The following CCDC171 variants were observed in gnomAD, a reference collection of about 807,000 sequenced individuals.
The protein encoded by CCDC171 is coiled-coil domain-containing protein 171.
In CCDC171, 177 loss-of-function variants were observed where a neutral mutation model predicts 168.2. The observed-to-expected ratio is 1.05, with a 90% CI of 0.93 to 1.19. The LOEUF is 1.19. CCDC171 is among the 50% of genes most tolerant of loss of function. CCDC171 has a pLI of 0.00. For synonymous variants in CCDC171, 687 were observed against 540.8 expected, an observed-to-expected ratio of 1.27 and a Z score of -3.75; for missense variants, 1,991 against 1,539.0, an observed-to-expected ratio of 1.29 and a Z score of -4.91.
intron 6 of CCDC171, among the ~76,000 whole-genome samples, chr9:15,613,842 A>G (rs936986790): frequency 1.3e-5 from 2 of 152,150 alleles, no homozygotes; most frequent in Non-Finnish European, 2.9e-5. Context: ...CATTTTTCTA[A>G]TGACTAATGA....
chr9:15,606,510 T>A (rs530987710), intron 6 of CCDC171, among the ~76,000 whole-genome samples: 102 of 152,198 alleles, frequency 6.7e-4, no homozygotes, highest in Non-Finnish European at 1.2e-3. Flanking sequence ...GAGGAACTTG[T>A]TCTGGGTCTT....
the CCDC171 span, among the ~76,000 whole-genome samples, chr9:16,080,885 G>T: frequency 2.6e-5 from 4 of 152,114 alleles, no homozygotes; most frequent in Admixed American, 2.6e-4. Context: ...AGTAGTTACT[G>T]CTTCTGTTTT....
At chr9:16,032,113 C>A (rs911486752) in intron 6 of CCDC171, among the ~76,000 whole-genome samples, 1 of 152,250 alleles carries the variant, frequency 6.6e-6, no homozygotes, top group South Asian at 2.1e-4. Flanking sequence ...TTCAACCCAC[C>A]CAAGTCCAAA....
At chr9:15,843,974 G>A (rs2060795246) in intron 21 of CCDC171, among the ~76,000 whole-genome samples, 1 of 152,110 alleles carries the variant, frequency 6.6e-6, no homozygotes, top group African/African-American at 2.4e-5. Context: ...ACAGTCAGGA[G>A]AGTTCTCCAA....
intron 14 of CCDC171, 135 bp from the exon 15 acceptor site, chr9:15,727,734 T>G: frequency 1.7e-6 from 1 of 592,054 alleles, no homozygotes. Flanking sequence ...AAAAAGTCAT[T>G]AAAATATTCT....
intron 1 of CCDC171, among the ~76,000 whole-genome samples, chr9:16,047,514 TA>T (rs1275740533): frequency 1.3e-5 from 2 of 152,252 alleles, no homozygotes; most frequent in Non-Finnish European, 2.9e-5. Context: ...CCCCTGTCTC[TA>T]AAGCCCTCCT....
At chr9:16,066,002 C>A (rs1833986685), downstream of CCDC171, among the ~76,000 whole-genome samples, 1 of 152,134 alleles carries the variant, frequency 6.6e-6, no homozygotes, top group South Asian at 2.1e-4. Context: ...GATAATAAGT[C>A]TAGAAACTTG....
intron 10 of CCDC171, among the ~76,000 whole-genome samples, chr9:15,681,638 A>T (rs143853555): frequency 6.6e-6 from 1 of 151,758 alleles, no homozygotes; most frequent in African/African-American, 2.4e-5. Flanking sequence ...TTTCTTGTAC[A>T]TATTCCTTTA....
At chr9:15,849,302 C>G (rs1037739377) in intron 23 of CCDC171, among the ~76,000 whole-genome samples, 1 of 150,890 alleles carries the variant, frequency 6.6e-6, no homozygotes, top group Admixed American at 6.6e-5. Context: ...CACTCTTAAA[C>G]CAATGGTCCT....
chr9:15,686,678 A>G (rs1381624810), intron 10 of CCDC171, among the ~76,000 whole-genome samples: 4 of 152,192 alleles, frequency 2.6e-5, no homozygotes, highest in Non-Finnish European at 1.5e-5. Context: ...GGGACATCTC[A>G]TGTTGTTAAA....
At chr9:16,003,290 G>A (rs1302614470) in intron 3 of CCDC171, among the ~76,000 whole-genome samples, 1 of 152,100 alleles carries the variant, frequency 6.6e-6, no homozygotes, top group African/African-American at 2.4e-5. Context: ...TGATTTCTAA[G>A]GTCCCTTCCA....
rs1350494548 is a variant in CCDC171, at chr9:15,564,099, A to G, written c.11A>G (p.Asn4Ser). 6.2e-7 allele frequency: 1 copy of G among 1,607,318 alleles called. No individual in the cohort carries two copies. Residue 4 changes from asparagine to serine, a missense_variant, in exon 2 of 26, where the codon AAT becomes AGT. By Grantham distance (46) the Asn-to-Ser change is conservative. Transcript: ENST00000380701. The stretch of plus-strand genomic sequence containing the variant: ...GAGTTGGAAAACATCATGAATTTGA[A>G]TACTTCAAGTAATACTGGTGATACC... MNL[N>S]TSSNTGDTQR...
chr9:15,761,804 A>G (rs541847713), intron 18 of CCDC171, among the ~76,000 whole-genome samples: 64 of 152,238 alleles, frequency 4.2e-4, no homozygotes, highest in African/African-American at 1.5e-3. Context: ...AAATTTTGTG[A>G]TTTCTTATAT....
At chr9:15,636,186 A>G (rs1216400142) in intron 7 of CCDC171, among the ~76,000 whole-genome samples, 1 of 152,124 alleles carries the variant, frequency 6.6e-6, no homozygotes, top group Non-Finnish European at 1.5e-5. Context: ...GATGCTAACG[A>G]TGGAGGAAAC....
At chr9:15,785,438 CTATT>C (rs1334568333) in intron 21 of CCDC171, among the ~76,000 whole-genome samples, 3 of 152,010 alleles carry the variant, frequency 2.0e-5, no homozygotes, top group African/African-American at 7.2e-5. Flanking sequence ...CAAATAATAT[CTATT>C]TATTCTGATA....
chr9:15,760,010 T>C (rs1054197629), intron 18 of CCDC171, among the ~76,000 whole-genome samples: 5 of 152,174 alleles, frequency 3.3e-5, no homozygotes, highest in Non-Finnish European at 5.9e-5. Flanking sequence ...AAGTAGGAAA[T>C]AGAAATGACA....
intron 6 of CCDC171, among the ~76,000 whole-genome samples, chr9:15,607,660 G>A (rs1262364069): frequency 2.0e-5 from 3 of 151,804 alleles, no homozygotes; most frequent in Non-Finnish European, 4.4e-5. Flanking sequence ...ACGGGGTTTC[G>A]CCATGTTGGC....
chr9:15,916,927 G>T (rs547986142), intron 24 of CCDC171, among the ~76,000 whole-genome samples: 43 of 151,920 alleles, frequency 2.8e-4, no homozygotes, highest in Admixed American at 7.2e-4. Context: ...TAAGCCCCTG[G>T]GGCCAAGGAT....
At chr9:16,020,710 C>T (rs183846802) in exon 4 of CCDC171, 139 of 154,454 alleles carry the variant, frequency 9.0e-4, no homozygotes, top group African/African-American at 3.1e-3. Context: ...GCTTACACAC[C>T]GTGGATACCT....
Sources: allele counts gnomAD v4.1 joint callset (sites outside exome capture counted in the v4.1 genomes callset), GRCh38; gene constraint gnomAD v4.1.1; transcripts MANE v1.5; gene names NCBI Gene and HGNC (gene_info 2026-07-23, HGNC 2026-07-21).